The following SRGAP1 variants were observed in gnomAD, a reference collection of about 807,000 sequenced individuals.
SRGAP1 encodes SLIT-ROBO Rho GTPase-activating protein 1.
In SRGAP1, 43 loss-of-function variants were observed where a neutral mutation model predicts 121.9. The ratio of observed to expected loss-of-function variants is 0.35; its 90% CI spans 0.28 to 0.46. The LOEUF is 0.46. SRGAP1 is among the 20% of genes least tolerant of loss of function. The pLI, the probability that SRGAP1 is intolerant of heterozygous loss-of-function variation, is 1.00. For synonymous variants in SRGAP1, 447 were observed against 485.4 expected (o/e 0.92, Z 1.04); for missense variants, 1,102 against 1,350.9 (o/e 0.82, Z 2.89).
chr12:63,989,996 T>C lies in SRGAP1; in HGVS notation c.350T>C (p.Leu117Ser). The C allele has an allele frequency of 6.2e-7, 1 of 1,613,936 alleles. No homozygotes were observed. Among genetic ancestry groups the C allele is most frequent in the Non-Finnish European group, 8.5e-7 (1 of 1,179,866 alleles). The change falls in exon 3 of 22, where the codon TTG becomes TCG. Residue 117 changes from leucine (L) to serine (S), a missense_variant. Leu to Ser is a moderately radical substitution (Grantham distance 145, BLOSUM62 -2). Coordinates refer to ENST00000355086, the MANE Select transcript of SRGAP1 (RefSeq NM_020762.4). ...VRRESKDHAT[L>S]SDIYLNNVIM... ...AGAGAAAGCAAAGACCATGCAACCT[T>C]GAGTGACATCTATCTGAACAATGTG...
At chr12:64,075,291 A>G (rs902878009) in intron 8 of SRGAP1, among the ~76,000 whole-genome samples, 2 of 152,260 alleles carry the variant, frequency 1.3e-5, no homozygotes, top group African/African-American at 4.8e-5. Flanking sequence ...CAGCAGGAGC[A>G]TGTCCTTAAG....
At chr12:63,850,623 A>G (rs1289228967) in intron 1 of SRGAP1, among the ~76,000 whole-genome samples, 19 of 142,858 alleles carry the variant, frequency 1.3e-4, no homozygotes, top group Admixed American at 1.2e-3. Context: ...TTGTAAAGAT[A>G]GGGTTTCGCC....
intron 11 of SRGAP1, among the ~76,000 whole-genome samples, chr12:64,087,504 C>G (rs147752826): frequency 1.1e-4 from 16 of 152,084 alleles, no homozygotes. Context: ...GAGACTGAGG[C>G]GGGTGGATCA....
rs116720520 is a variant in SRGAP1 at position 63,963,323 on chromosome 12, T to C, written c.68-20624T>C. On this transcript the variant is annotated intron_variant, in intron 1 of 21. Coordinates refer to ENST00000355086, the MANE Select transcript of SRGAP1 (RefSeq NM_020762.4). ...TTTTCTCGGAACTGAAGTTTTAAGA[T>C]AGTGTCATCTTTTAAGAGCAAGGTA... 7.1e-3 allele frequency among the ~76,000 whole-genome samples: 1,080 copies of C among 152,324 alleles called. 13 individuals are homozygous for C. The highest frequency in any genetic ancestry group is 0.025 in the African/African-American group (1,021 of 41,562).
chr12:63,992,092 G>A (rs1185031409), intron 3 of SRGAP1, among the ~76,000 whole-genome samples: 1 of 152,184 alleles, frequency 6.6e-6, no homozygotes, highest in Non-Finnish European at 1.5e-5. Flanking sequence ...GCATGAGCAT[G>A]TTCAGGGAAA....
At chr12:64,079,539 C>T (rs556609663) in intron 9 of SRGAP1, among the ~76,000 whole-genome samples, 1 of 150,748 alleles carries the variant, frequency 6.6e-6, no homozygotes, top group African/African-American at 2.4e-5. Flanking sequence ...ATAAATTAGC[C>T]AGCAGGCATA....
chr12:64,020,265 TG>T (rs1333943015), intron 4 of SRGAP1, among the ~76,000 whole-genome samples: 2 of 152,100 alleles, frequency 1.3e-5, no homozygotes, highest in African/African-American at 4.8e-5. Context: ...GTGCAGATGA[TG>T]GGGTAGATAT....
intron 1 of SRGAP1, among the ~76,000 whole-genome samples, chr12:63,920,246 A>T (rs918129546): frequency 6.6e-6 from 1 of 152,180 alleles, no homozygotes; most frequent in Non-Finnish European, 1.5e-5. Context: ...CCTGATAACT[A>T]TTGAGATATA....
intron 1 of SRGAP1, among the ~76,000 whole-genome samples, chr12:63,933,055 G>T (rs1295258879): frequency 1.3e-5 from 2 of 152,124 alleles, no homozygotes; most frequent in African/African-American, 4.8e-5. Context: ...GGACTTGGTG[G>T]TGTGCGCCTG....
intron 6 of SRGAP1, among the ~76,000 whole-genome samples, chr12:64,052,204 A>G (rs2035249928): frequency 6.6e-6 from 1 of 152,154 alleles, no homozygotes; most frequent in African/African-American, 2.4e-5. Context: ...GGAGAAGGGA[A>G]GGAACTGTGA....
chr12:64,023,413 A>C (rs1354148508), intron 4 of SRGAP1, among the ~76,000 whole-genome samples: 2 of 152,134 alleles, frequency 1.3e-5, no homozygotes, highest in African/African-American at 4.8e-5. Flanking sequence ...TTAAAGTGTT[A>C]AGCCCGTCCC....
At position 64,142,485 on chromosome 12, in the gene SRGAP1, T is replaced by C. The variant is rs749986756; in HGVS notation, c.3071T>C (p.Ile1024Thr). The change falls in exon 22 of 22, where the codon ATT becomes ACT. Residue 1024 changes from isoleucine (I) to threonine (T), a missense_variant. Transcript: ENST00000355086. ...NVALRSSEPQ[I>T]RRSTSSSSDT... is the part of the protein sequence containing the mutation. ...GCCCTCAGGAGCTCCGAGCCTCAGA[T>C]TCGACGTAGCACGAGCTCCTCCAGT... 7 of 1,614,036 alleles carry C rather than the reference T, an allele frequency of 4.3e-6. No homozygotes were observed. Among genetic ancestry groups the C allele is most frequent in the South Asian group, 1.1e-5 (1 of 91,078 alleles).
At chr12:63,973,156 A>C (rs1431867518) in intron 1 of SRGAP1, among the ~76,000 whole-genome samples, 1 of 152,178 alleles carries the variant, frequency 6.6e-6, no homozygotes, top group Non-Finnish European at 1.5e-5. Context: ...TCAAAAGAGA[A>C]AAAAAGTAAA....
At chr12:63,993,427 A>G (rs2033610567) in intron 3 of SRGAP1, among the ~76,000 whole-genome samples, 2 of 152,208 alleles carry the variant, frequency 1.3e-5, no homozygotes, top group Admixed American at 6.5e-5. Flanking sequence ...TTCTATCAAA[A>G]TGGAAAGAAA....
intron 21 of SRGAP1, among the ~76,000 whole-genome samples, chr12:64,137,727 G>A (rs939529595): frequency 3.3e-5 from 5 of 151,964 alleles, no homozygotes; most frequent in African/African-American, 1.2e-4. Flanking sequence ...TAGGTTTTAT[G>A]CAAACAAAAT....
chr12:63,994,366 A>G (rs143983049), intron 3 of SRGAP1, among the ~76,000 whole-genome samples: 35 of 152,286 alleles, frequency 2.3e-4, no homozygotes, highest in Admixed American at 1.3e-3. Flanking sequence ...TTTATTTACT[A>G]CTTATTATGA....
intron 6 of SRGAP1, among the ~76,000 whole-genome samples, chr12:64,059,052 G>T (rs2035398131): frequency 6.6e-6 from 1 of 152,022 alleles, no homozygotes; most frequent in Admixed American, 6.6e-5. Flanking sequence ...CCTCCTAAGG[G>T]TAGCACTCAA....
At chr12:63,943,093 G>C (rs1006222412) in intron 1 of SRGAP1, among the ~76,000 whole-genome samples, 2 of 152,110 alleles carry the variant, frequency 1.3e-5, no homozygotes, top group African/African-American at 2.4e-5. Flanking sequence ...TCTGGTGGAG[G>C]GAAGTATGCC....
intron 4 of SRGAP1, among the ~76,000 whole-genome samples, chr12:64,041,359 T>TTTTATTTTA (rs1555168798): frequency 1.2e-5 from 1 of 85,714 alleles, no homozygotes; most frequent in Non-Finnish European, 3.6e-5. Flanking sequence ...TGGCATTTTA[T>TTTTATTTTA]TTTATTTATT....
Sources: gnomAD v4.1 joint callset for allele counts (sites outside exome capture counted in the v4.1 genomes callset) on GRCh38, gnomAD v4.1.1 for gene constraint, MANE v1.5 for transcripts, NCBI Gene and HGNC (gene_info 2026-07-23, HGNC 2026-07-21) for gene names.